MARCHF1: variants seen among roughly 807,000 people sequenced by gnomAD.
MARCHF1 encodes membrane associated ring-CH-type finger 1.
In MARCHF1, 40 loss-of-function variants were observed where a neutral mutation model predicts 54.2. That is an observed-to-expected ratio of 0.74 (90% CI 0.57 to 0.96). The LOEUF is 0.96. Ranked by LOEUF, MARCHF1 falls within the 40% of genes least tolerant of loss-of-function variation. The pLI, the probability that MARCHF1 is intolerant of heterozygous loss-of-function variation, is 0.00. For synonymous variants in MARCHF1, 236 were observed against 236.3 expected, an observed-to-expected ratio of 1.00 and a Z score of 0.01; for missense variants, 586 against 656.5, an observed-to-expected ratio of 0.89 and a Z score of 1.17.
intron 2 of MARCHF1, among the ~76,000 whole-genome samples, chr4:164,083,768 AC>A (rs1755145043): frequency 6.6e-6 from 1 of 152,020 alleles, no homozygotes; most frequent in South Asian, 2.1e-4. Flanking sequence ...ATTTTCAAAA[AC>A]CTGATTCCAC....
intron 4 of MARCHF1, among the ~76,000 whole-genome samples, chr4:163,788,620 G>C (rs12510126): frequency 0.5 from 75,895 of 151,636 alleles, 19,453 homozygotes; most frequent in East Asian, 0.84. Context: ...TATTAGATTG[G>C]GGTTATGAAT....
intron 1 of MARCHF1, among the ~76,000 whole-genome samples, chr4:164,327,420 C>T (rs941798886): frequency 2.0e-5 from 3 of 152,172 alleles, no homozygotes; most frequent in Non-Finnish European, 4.4e-5. Context: ...AGAATTACAA[C>T]TCCTTTTTGC....
At chr4:164,363,211 A>G (rs556338915) in intron 1 of MARCHF1, among the ~76,000 whole-genome samples, 10 of 152,230 alleles carry the variant, frequency 6.6e-5, no homozygotes, top group African/African-American at 4.8e-5. Context: ...GAACCTGGGG[A>G]AAAAAATAAC....
intron 2 of MARCHF1, among the ~76,000 whole-genome samples, chr4:164,107,103 T>C (rs6852730): frequency 0.84 from 127,422 of 152,144 alleles, 53,872 homozygotes; most frequent in Non-Finnish European, 0.89. Flanking sequence ...GAGAGTATAA[T>C]AAATACAAAG....
At chr4:163,735,848 G>A (rs1390534791) in intron 4 of MARCHF1, among the ~76,000 whole-genome samples, 1 of 152,000 alleles carries the variant, frequency 6.6e-6, no homozygotes, top group East Asian at 1.9e-4. Context: ...GTTAGGATTG[G>A]AGTCTTAAAC....
At chr4:163,567,663 G>A (rs1045796510) in intron 8 of MARCHF1, among the ~76,000 whole-genome samples, 3 of 152,040 alleles carry the variant, frequency 2.0e-5, no homozygotes, top group Non-Finnish European at 2.9e-5. Context: ...CCTGTCTGCC[G>A]CCATGTGAGA....
At chr4:164,167,900 A>G (rs1430558064) in intron 1 of MARCHF1, among the ~76,000 whole-genome samples, 1 of 152,014 alleles carries the variant, frequency 6.6e-6, no homozygotes, top group Non-Finnish European at 1.5e-5. Context: ...CTCAGGCTAC[A>G]AAAGCAAAAA....
intron 1 of MARCHF1, among the ~76,000 whole-genome samples, chr4:164,363,354 C>T (rs909067259): frequency 6.6e-6 from 1 of 152,058 alleles, no homozygotes. Flanking sequence ...AACTCTTTCT[C>T]CTAAGAAGAA....
intron 2 of MARCHF1, among the ~76,000 whole-genome samples, chr4:164,017,633 A>G (rs1469615026): frequency 6.6e-6 from 1 of 151,964 alleles, no homozygotes; most frequent in African/African-American, 2.4e-5. Flanking sequence ...ACTGAAAACT[A>G]CAAAATGCTG....
At chr4:163,653,009 T>C (rs1020350094) in intron 5 of MARCHF1, among the ~76,000 whole-genome samples, 1 of 151,500 alleles carries the variant, frequency 6.6e-6, no homozygotes, top group Non-Finnish European at 1.5e-5. Context: ...ATTTAAAAAA[T>C]AGAAAAAAGA....
In MARCHF1 at chr4:163,693,205, C is replaced by T. The variant is rs1004283186; in HGVS notation, c.162+7608G>A. On this transcript the variant is annotated intron_variant, in intron 5 of 9. Coordinates refer to ENST00000514618, the MANE Select transcript of MARCHF1 (RefSeq NM_001394959.1). Reference sequence around the variant, plus strand: ...GTGTCCCAGAGAGTAGGAAATAAAACGAACGTATCTTCAGGAGCTGGACAA... The same window carrying T: ...GTGTCCCAGAGAGTAGGAAATAAAATGAACGTATCTTCAGGAGCTGGACAA... Among the ~76,000 whole-genome samples the T allele has an allele frequency of 4.6e-5, 7 of 151,464 alleles. 1 individual carries two copies. Among genetic ancestry groups the T allele is most frequent in the East Asian group, 2.0e-4 (1 of 5,046 alleles).
At chr4:164,047,218 G>T (rs770031588) in intron 2 of MARCHF1, among the ~76,000 whole-genome samples, 31 of 152,036 alleles carry the variant, frequency 2.0e-4, no homozygotes, top group Non-Finnish European at 3.7e-4. Flanking sequence ...AATGACTTCA[G>T]CTGACAAGCA....
chr4:163,644,696 A>G (rs896572003), intron 5 of MARCHF1, among the ~76,000 whole-genome samples: 10 of 152,164 alleles, frequency 6.6e-5, no homozygotes, highest in African/African-American at 2.4e-5. Flanking sequence ...CAGATCCCGA[A>G]AAAACCAAGG....
At chr4:164,261,896 T>C (rs1418862577) in intron 1 of MARCHF1, among the ~76,000 whole-genome samples, 5 of 152,106 alleles carry the variant, frequency 3.3e-5, no homozygotes, top group African/African-American at 1.2e-4. Flanking sequence ...ATCCCACCAC[T>C]TCAGGAGGCT....
intron 5 of MARCHF1, among the ~76,000 whole-genome samples, chr4:163,668,369 T>C (rs1743613891): frequency 6.6e-6 from 1 of 152,192 alleles, no homozygotes; most frequent in African/African-American, 2.4e-5. Context: ...AATGGTCTTA[T>C]AGGTGAAGTA....
chr4:164,373,260 C>G (rs974459612), intron 1 of MARCHF1, among the ~76,000 whole-genome samples: 2 of 151,970 alleles, frequency 1.3e-5, no homozygotes, highest in South Asian at 4.1e-4. Context: ...CTGAATATGG[C>G]CTGGAATTTG....
At chr4:163,968,489 C>T (rs1340624915) in intron 3 of MARCHF1, among the ~76,000 whole-genome samples, 1 of 152,144 alleles carries the variant, frequency 6.6e-6, no homozygotes, top group Admixed American at 6.5e-5. Context: ...AAAAATCTCA[C>T]TTATTTTGCA....
intron 5 of MARCHF1, among the ~76,000 whole-genome samples, chr4:163,644,252 T>C (rs1249949179): frequency 6.6e-6 from 1 of 152,120 alleles, no homozygotes; most frequent in Non-Finnish European, 1.5e-5. Context: ...AGCCATCCAT[T>C]GCAAAATGTA....
chr4:163,820,210 A>G (rs1748653136), intron 4 of MARCHF1, among the ~76,000 whole-genome samples: 1 of 152,060 alleles, frequency 6.6e-6, no homozygotes, highest in African/African-American at 2.4e-5. Context: ...ACCGAATCCA[A>G]TACATATTTT....
Sources: allele counts gnomAD v4.1 joint callset (sites outside exome capture counted in the v4.1 genomes callset), GRCh38; gene constraint gnomAD v4.1.1; transcripts MANE v1.5; gene names NCBI Gene and HGNC (gene_info 2026-07-23, HGNC 2026-07-21).